Variants in MTMR1 observed in about 807,000 individuals in gnomAD.
MTMR1 encodes myotubularin related protein 1, also known as phosphatidylinositol-3-phosphate phosphatase MTMR1.
In MTMR1, 17 loss-of-function variants were observed where a neutral mutation model predicts 51.6. The observed-to-expected ratio is 0.33, with a 90% CI of 0.23 to 0.49. MTMR1 has a LOEUF of 0.49. MTMR1 is among the 20% of genes least tolerant of loss of function. The pLI is 0.99. For missense variants in MTMR1, 386 were observed against 526.9 expected, an observed-to-expected ratio of 0.73 and a Z score of 2.62; for synonymous variants, 201 against 205.6, an observed-to-expected ratio of 0.98 and a Z score of 0.19.
intron 14 of MTMR1, among the ~76,000 whole-genome samples, chrX:150,752,624 GTTTT>G (rs782406235): frequency 0.29 from 16,702 of 56,884 alleles, 1,275 homozygotes; most frequent in South Asian, 0.45. Context: ...GCTTTATCTT[GTTTT>G]TTTTTTTTTT....
chrX:150,730,704 C>T (rs975395949), intron 8 of MTMR1, 96 bp downstream of exon 8: 13 of 480,945 alleles, frequency 2.7e-5, no homozygotes, highest in East Asian at 7.8e-5. Context: ...GAAACTTTTT[C>T]GAACAAGTTA....
intron 4 of MTMR1, among the ~76,000 whole-genome samples, chrX:150,723,832 T>C (rs2041837501): frequency 9.0e-6 from 1 of 111,685 alleles, no homozygotes; most frequent in African/African-American, 3.3e-5. Flanking sequence ...GAACCTACAG[T>C]ATTTGGTTTT....
chrX:150,735,763 C>G (rs2051553592), intron 10 of MTMR1: 1 of 289,268 alleles, frequency 3.5e-6, no homozygotes, highest in African/African-American at 2.8e-5. Context: ...ATTAACACAC[C>G]ATTTTTTGTG....
chrX:150,744,154 A>G (rs2042512157), intron 12 of MTMR1, among the ~76,000 whole-genome samples: 1 of 112,356 alleles, frequency 8.9e-6, no homozygotes, highest in Non-Finnish European at 1.9e-5. Flanking sequence ...ATTATAAAAC[A>G]ACATGTAAAA....
chrX:150,750,612 C>A, intron 13 of MTMR1, 118 bp from the exon 14 acceptor site: 1 of 464,358 alleles, frequency 2.2e-6, no homozygotes, highest in Non-Finnish European at 3.6e-6. Flanking sequence ...TGGGCTCAGT[C>A]TTCCTTTAAA....
chrX:150,723,829 C>T (rs904973884), intron 4 of MTMR1, among the ~76,000 whole-genome samples: 1 of 111,685 alleles, frequency 9.0e-6, no homozygotes, highest in East Asian at 2.8e-4. Context: ...TGAGAACCTA[C>T]AGTATTTGGT....
At chrX:150,727,562 A>G (rs1039509557) in intron 5 of MTMR1, 122 bp from the exon 6 acceptor site, 11 of 557,522 alleles carry the variant, frequency 2.0e-5, no homozygotes, top group African/African-American at 9.2e-5. Flanking sequence ...TCAGACTTCA[A>G]TTTAGCTGGG....
intron 14 of MTMR1, among the ~76,000 whole-genome samples, chrX:150,753,080 A>T (rs1557417646): frequency 8.9e-6 from 1 of 111,975 alleles, no homozygotes; most frequent in Non-Finnish European, 1.9e-5. Context: ...TGGACATTTC[A>T]TAGAAATGGA....
intron 1 of MTMR1, among the ~76,000 whole-genome samples, chrX:150,695,434 C>A (rs2040636989): frequency 8.9e-6 from 1 of 111,772 alleles, no homozygotes; most frequent in African/African-American, 3.3e-5. Flanking sequence ...AGATGGTGGT[C>A]CAGAGTGGAG....
chrX:150,735,633 C>CTT, intron 10 of MTMR1: 3 of 351,124 alleles, frequency 8.5e-6, no homozygotes, highest in Non-Finnish European at 1.5e-5. Flanking sequence ...CCAGAGTGAT[C>CTT]TTCTTTTTTA....
chrX:150,745,890 G>A (rs187129717), intron 13 of MTMR1, among the ~76,000 whole-genome samples: 31 of 112,669 alleles, frequency 2.8e-4, no homozygotes, highest in Admixed American at 2.7e-3. Context: ...TGGGTGTGGG[G>A]CCCAGCCCTC....
At chrX:150,735,261 C>A (rs1466119929) in intron 10 of MTMR1, 9 of 316,898 alleles carry the variant, frequency 2.8e-5, no homozygotes, top group African/African-American at 2.2e-4. Flanking sequence ...GTTTTAAGTC[C>A]CCCAGTTTGT....
intron 3 of MTMR1, among the ~76,000 whole-genome samples, chrX:150,713,277 A>G (rs2041374221): frequency 8.9e-6 from 1 of 111,949 alleles, no homozygotes; most frequent in South Asian, 3.7e-4. Context: ...TTGTTCATTG[A>G]GTTTTCTGTT....
intron 14 of MTMR1, among the ~76,000 whole-genome samples, chrX:150,751,576 C>T (rs1382890690): frequency 9.0e-6 from 1 of 111,338 alleles, no homozygotes; most frequent in Non-Finnish European, 1.9e-5. Context: ...TTCCTGCCTC[C>T]TCGGCCTCCC....
intron 10 of MTMR1, among the ~76,000 whole-genome samples, chrX:150,734,467 C>G (rs1417571595): frequency 1.8e-5 from 2 of 112,668 alleles, no homozygotes; most frequent in East Asian, 5.6e-4. Flanking sequence ...TTGCTCCCCA[C>G]ATCTGGATCA....
intron 14 of MTMR1, chrX:150,751,307 A>G: frequency 3.3e-6 from 2 of 612,161 alleles, no homozygotes; most frequent in South Asian, 7.3e-5. Flanking sequence ...TCAGAGTTAC[A>G]TCTCATTTCT....
intron 3 of MTMR1, among the ~76,000 whole-genome samples, chrX:150,716,367 A>G (rs1322405842): frequency 8.9e-6 from 1 of 112,790 alleles, no homozygotes; most frequent in African/African-American, 3.2e-5. Flanking sequence ...GTGTTTCTAA[A>G]ACCAGACATT....
chrX:150,730,304 T>TC (rs1210454061), intron 7 of MTMR1, 94 bp downstream of exon 7: 8 of 647,111 alleles, frequency 1.2e-5, no homozygotes, highest in Non-Finnish European at 4.5e-6. Context: ...TTTTTTTTTT[T>TC]CCTCTCTTTT....
chrX:150,740,831 TG>T (rs2042402886), intron 12 of MTMR1, among the ~76,000 whole-genome samples: 1 of 110,136 alleles, frequency 9.1e-6, no homozygotes, highest in South Asian at 4.0e-4. Flanking sequence ...AGAGATCACA[TG>T]GTGAGAGAGG....
Sources: gnomAD v4.1 joint callset for allele counts (sites outside exome capture counted in the v4.1 genomes callset) on GRCh38, gnomAD v4.1.1 for gene constraint, MANE v1.5 for transcripts, NCBI Gene and HGNC (gene_info 2026-07-23, HGNC 2026-07-21) for gene names.